The following ALPK2 variants were observed in gnomAD, a reference collection of about 807,000 sequenced individuals.
ALPK2 encodes alpha kinase 2, also known as alpha-protein kinase 2.
A neutral mutation model predicts 163.1 loss-of-function variants in ALPK2; 127 were observed. The observed-to-expected ratio is 0.78, with a 90% CI of 0.67 to 0.90. The LOEUF (loss-of-function observed/expected upper bound fraction) is 0.90, where lower values mean the gene tolerates loss of function less well. Ranked by LOEUF, ALPK2 falls within the 40% of genes least tolerant of loss-of-function variation. The pLI, the probability that ALPK2 is intolerant of heterozygous loss-of-function variation, is 0.00. For synonymous variants in ALPK2, 953 were observed against 959.1 expected (o/e 0.99, Z 0.12); for missense variants, 2,360 against 2,589.6 (o/e 0.91, Z 1.92).
At position 58,500,751 on chromosome 18, in the gene ALPK2, C is replaced by T. The variant is rs1008662668; in HGVS notation, c.6248-2654G>A. ...CCAGCCTGGCCAACATGGTGAAACC[C>T]CGTCTCTACTAAAAAATACAAAAAA... On this transcript the variant is annotated intron_variant, in intron 11 of 12. Coordinates refer to ENST00000361673, the MANE Select transcript of ALPK2 (RefSeq NM_052947.4). Among the ~76,000 whole-genome samples the T allele has an allele frequency of 6.7e-5, 10 of 148,932 alleles. No individual in the cohort carries two copies. The East Asian group carries it at 2.0e-3, about 29-fold the overall frequency.
At position 58,504,021 on chromosome 18, in the gene ALPK2, T is replaced by G. The variant is rs757454201; in HGVS notation, c.6157A>C (p.Arg2053=). 6.8e-6 allele frequency: 11 copies of G among 1,614,128 alleles called. No individual in the cohort carries two copies. Among genetic ancestry groups the G allele is most frequent in the African/African-American group, 1.3e-5 (1 of 74,942 alleles). ...CATTTCTGACCAGCTTCTGATTCTC[T>G]TCTCAAGAAGTTTATTTCTTTCCCA... The part of the protein sequence containing the change: ...RDGKEINFLR[R]ESEAGQKCCT... Residue 2053 remains arginine, a synonymous_variant, in exon 11 of 13, where the codon AGA becomes CGA. Transcript: ENST00000361673.
At chr18:58,520,215 G>A (rs1449777734) in intron 8 of ALPK2, among the ~76,000 whole-genome samples, 1 of 151,836 alleles carries the variant, frequency 6.6e-6, no homozygotes, top group Non-Finnish European at 1.5e-5. Flanking sequence ...ATCACCTGAG[G>A]TCAGGAGTTC....
At chr18:58,503,377 C>A (rs2051442814) in intron 11 of ALPK2, among the ~76,000 whole-genome samples, 1 of 152,196 alleles carries the variant, frequency 6.6e-6, no homozygotes, top group Non-Finnish European at 1.5e-5. Context: ...AATGGGAAGG[C>A]ATTATTGGCA....
intron 3 of ALPK2, among the ~76,000 whole-genome samples, chr18:58,591,047 C>T (rs2052012478): frequency 6.6e-6 from 1 of 152,164 alleles, no homozygotes; most frequent in East Asian, 1.9e-4. Context: ...TTCCAGGTCC[C>T]ATGGGACAGC....
rs2051937818 is a variant in ALPK2, at chr18:58,578,852, CA to C, written c.1923del (p.Phe641LeufsTer54). ...CTCCAGTCTGGAACCTGGCTTGTTT[CA>C]AATAGAGTATTAACTTGCATGCCTT... is the stretch of plus-strand genomic sequence containing the variant. ...KGEGMQVNTL[F>X]ETSQVPDWSD... On this transcript the variant is annotated frameshift_variant, in exon 4 of 13. Coordinates refer to ENST00000361673, the MANE Select transcript of ALPK2 (RefSeq NM_052947.4). LOFTEE classifies it high-confidence loss of function. The C allele has an allele frequency of 2.5e-6, 4 of 1,613,834 alleles. No homozygotes were observed. The East Asian group carries it at 6.7e-5, about 27-fold the overall frequency.
At chr18:58,621,300 A>C (rs1023203629) in intron 1 of ALPK2, among the ~76,000 whole-genome samples, 2 of 147,164 alleles carry the variant, frequency 1.4e-5, no homozygotes, top group South Asian at 4.3e-4. Flanking sequence ...TTTGAGGCGG[A>C]GTCTCGCTCT....
At chr18:58,607,497 A>G in intron 2 of ALPK2, 58 bp from the exon 3 acceptor site, 2 of 1,174,222 alleles carry the variant, frequency 1.7e-6, no homozygotes, top group Non-Finnish European at 2.4e-6. Context: ...GGAAAAAAAA[A>G]AAAACCCATA....
intron 3 of ALPK2, among the ~76,000 whole-genome samples, chr18:58,588,770 C>T (rs2052000066): frequency 6.6e-6 from 1 of 152,164 alleles, no homozygotes; most frequent in Admixed American, 6.6e-5. Context: ...TGATCTTGTT[C>T]CTTTTTATGG....
chr18:58,529,997 T>C (rs2051604618), intron 5 of ALPK2, among the ~76,000 whole-genome samples: 1 of 152,118 alleles, frequency 6.6e-6, no homozygotes, highest in Non-Finnish European at 1.5e-5. Context: ...TCGTAACAAT[T>C]GGGTAGGAAA....
At chr18:58,611,092 C>CAAAA (rs531501598) in intron 2 of ALPK2, among the ~76,000 whole-genome samples, 8 of 121,498 alleles carry the variant, frequency 6.6e-5, no homozygotes, top group African/African-American at 2.4e-4. Flanking sequence ...GACTCTGTCT[C>CAAAA]AAAAAAAAAA....
chr18:58,552,067 G>T (rs2051762843), intron 4 of ALPK2, among the ~76,000 whole-genome samples: 2 of 152,092 alleles, frequency 1.3e-5, no homozygotes, highest in South Asian at 4.1e-4. Flanking sequence ...AAATGTGAAA[G>T]CACTTGTTTT....
rs530613178 is a variant in ALPK2, at chr18:58,574,642, T to G, written c.1962+4172A>C. On this transcript the variant is annotated intron_variant, in intron 4 of 12. Transcript: ENST00000361673. ...ACAGTCCTTACGAGAATCTAATGCC[T>G]GATGATCTGAAGTGGAACAGTTTCA... 2.6e-5 allele frequency among the ~76,000 whole-genome samples: 4 copies of G among 152,040 alleles called. No individual in the cohort carries two copies. In the South Asian group the frequency reaches 8.3e-4, roughly 32 times the overall value.
At position 58,549,550 on chromosome 18, in the gene ALPK2, A is replaced by G. The variant is rs2051738815; in HGVS notation, c.1963-11326T>C. ...GATTTGAGCTAGGAAGGCAAAATAT[A>G]CACTGAGCTGATATTTGTGCATATG... is the stretch of plus-strand genomic sequence containing the variant. On this transcript the variant is annotated intron_variant, in intron 4 of 12. Transcript: ENST00000361673. Among the ~76,000 whole-genome samples, 3 of 152,334 alleles carry G rather than the reference A, an allele frequency of 2.0e-5. No homozygotes were observed. In the South Asian group the frequency reaches 6.2e-4, roughly 32 times the overall value.
chr18:58,593,425 G>T (rs1010371833), intron 3 of ALPK2, among the ~76,000 whole-genome samples: 2 of 151,712 alleles, frequency 1.3e-5, no homozygotes, highest in East Asian at 1.9e-4. Flanking sequence ...TTAGCAGAGC[G>T]TTGTGGCATG....
At chr18:58,559,786 G>A (rs1023035090) in intron 4 of ALPK2, among the ~76,000 whole-genome samples, 34 of 152,302 alleles carry the variant, frequency 2.2e-4, no homozygotes, top group Admixed American at 9.8e-4. Flanking sequence ...CACAGTCTGC[G>A]TGAGGAATGG....
intron 3 of ALPK2, among the ~76,000 whole-genome samples, chr18:58,594,717 G>T (rs994830771): frequency 2.0e-5 from 3 of 152,102 alleles, no homozygotes; most frequent in African/African-American, 7.2e-5. Context: ...TCTACCAATT[G>T]CTCAGTGCAA....
rs531209130 is a variant in ALPK2, at chr18:58,525,299, T to C, written c.5502-1237A>G. ...GGGTCTCTGAACATATCCCACTGTATGGTTAAAACTGGATGTGAACAAGTC... is the reference window on the plus strand; with the variant it reads ...GGGTCTCTGAACATATCCCACTGTACGGTTAAAACTGGATGTGAACAAGTC... On this transcript the variant is annotated intron_variant, in intron 6 of 12. Transcript: ENST00000361673. Among the ~76,000 whole-genome samples, 13 of 152,294 alleles carry C rather than the reference T, an allele frequency of 8.5e-5. No homozygotes were observed. In the East Asian group the frequency reaches 1.5e-3, roughly 18 times the overall value.
chr18:58,572,861 G>A lies in ALPK2; in HGVS notation c.1962+5953C>T, dbSNP rs1015289412. 3.3e-4 allele frequency among the ~76,000 whole-genome samples: 51 copies of A among 152,250 alleles called. 1 individual carries two copies. The highest frequency in any genetic ancestry group is 2.9e-3 in the Admixed American group (44 of 15,298). ...TCTGTAGATCTTAATACACACATAC[G>A]AGTACAACTGGGGAAATCCAAATTA... On this transcript the variant is annotated intron_variant, in intron 4 of 12. Transcript: ENST00000361673.
chr18:58,486,631 A>G (rs1204878901), intron 12 of ALPK2, among the ~76,000 whole-genome samples: 1 of 152,192 alleles, frequency 6.6e-6, no homozygotes, highest in Non-Finnish European at 1.5e-5. Context: ...TTGGCCTGTC[A>G]GACAGTGTTG....
Sources: gnomAD v4.1 joint callset for allele counts (sites outside exome capture counted in the v4.1 genomes callset) on GRCh38, gnomAD v4.1.1 for gene constraint, MANE v1.5 for transcripts, NCBI Gene and HGNC (gene_info 2026-07-23, HGNC 2026-07-21) for gene names.